FBXL17: variants seen among roughly 807,000 people sequenced by gnomAD.
FBXL17 encodes F-box/LRR-repeat protein 17.
In FBXL17, 22 loss-of-function variants were observed where a neutral mutation model predicts 66.2. That is an observed-to-expected ratio of 0.33 (90% CI 0.24 to 0.47). The LOEUF is 0.47. Ranked by LOEUF, FBXL17 falls within the 20% of genes least tolerant of loss-of-function variation. The probability of loss-of-function intolerance (pLI) is 1.00; values close to 1 mark genes in which losing one functional copy is unlikely to be tolerated. For missense variants in FBXL17, 878 were observed against 948.2 expected, an observed-to-expected ratio of 0.93 and a Z score of 0.97; for synonymous variants, 474 against 400.5, an observed-to-expected ratio of 1.18 and a Z score of -2.19.
chr5:107,961,001 C>T (rs1457006839), intron 7 of FBXL17, among the ~76,000 whole-genome samples: 1 of 151,886 alleles, frequency 6.6e-6, no homozygotes, highest in Non-Finnish European at 1.5e-5. Context: ...AGGATGGGTG[C>T]CAGAGAAGTT....
At chr5:108,259,749 A>C (rs1241182477) in intron 4 of FBXL17, among the ~76,000 whole-genome samples, 1 of 152,220 alleles carries the variant, frequency 6.6e-6, no homozygotes, top group African/African-American at 2.4e-5. Flanking sequence ...TCACATAAGG[A>C]TAGAGAGGGT....
At chr5:107,865,342 A>G (rs1748241672) in intron 8 of FBXL17, among the ~76,000 whole-genome samples, 1 of 152,244 alleles carries the variant, frequency 6.6e-6, no homozygotes, top group South Asian at 2.1e-4. Flanking sequence ...ACATGAAGAT[A>G]TGGATTTATG....
Position 108,041,912 on chromosome 5 carries a change from G to GT in FBXL17, c.1746-20912dup, listed in dbSNP as rs1187634391. Among the ~76,000 whole-genome samples the GT allele has an allele frequency of 2.6e-5, 4 of 151,946 alleles. No individual in the cohort carries two copies. The East Asian group carries it at 5.8e-4, about 22-fold the overall frequency. Reference sequence around the variant, plus strand: ...CATCTATCCATTCTATAATTCAGGGGTTTTTCTGAGATGGAGTTTCGCTCG... The same window carrying GT: ...CATCTATCCATTCTATAATTCAGGGGTTTTTTCTGAGATGGAGTTTCGCTCG... On this transcript the variant is annotated intron_variant, in intron 6 of 8. Coordinates refer to ENST00000542267, the MANE Select transcript of FBXL17 (RefSeq NM_001163315.3).
chr5:108,334,813 G>A (rs933536720), intron 4 of FBXL17, among the ~76,000 whole-genome samples: 1 of 152,180 alleles, frequency 6.6e-6, no homozygotes, highest in East Asian at 1.9e-4. Context: ...AACCCATGGT[G>A]TGAGATTAGT....
At chr5:108,181,846 G>A (rs1002941152) in intron 6 of FBXL17, among the ~76,000 whole-genome samples, 3 of 151,960 alleles carry the variant, frequency 2.0e-5, no homozygotes, top group Admixed American at 6.6e-5. Flanking sequence ...GCTATGACGC[G>A]GAAAATTGAC....
intron 7 of FBXL17, among the ~76,000 whole-genome samples, chr5:107,935,198 T>C (rs1212017456): frequency 6.6e-6 from 1 of 152,138 alleles, no homozygotes; most frequent in Non-Finnish European, 1.5e-5. Context: ...TATGTGTGAA[T>C]AGCAGCCTTC....
chr5:107,932,032 C>G (rs905806648), intron 7 of FBXL17, among the ~76,000 whole-genome samples: 4 of 152,094 alleles, frequency 2.6e-5, no homozygotes, highest in African/African-American at 9.7e-5. Context: ...GAGTGGGGCT[C>G]ATGAATCTGC....
At chr5:108,005,220 G>C (rs1753880071) in intron 7 of FBXL17, among the ~76,000 whole-genome samples, 1 of 151,782 alleles carries the variant, frequency 6.6e-6, no homozygotes, top group Admixed American at 6.6e-5. Context: ...AAATAAAATA[G>C]GAATCTAATG....
intron 7 of FBXL17, among the ~76,000 whole-genome samples, chr5:107,990,275 C>A (rs550463726): frequency 6.6e-6 from 1 of 152,246 alleles, no homozygotes; most frequent in African/African-American, 2.4e-5. Context: ...TTTATTTCAA[C>A]AGGGTTACTA....
intron 7 of FBXL17, among the ~76,000 whole-genome samples, chr5:107,886,090 T>C (rs1187247677): frequency 1.3e-5 from 2 of 152,264 alleles, no homozygotes; most frequent in Non-Finnish European, 1.5e-5. Flanking sequence ...TTTGGAAACA[T>C]GATGTTGACT....
chr5:108,336,821 T>C (rs1413502155), intron 4 of FBXL17, among the ~76,000 whole-genome samples: 3 of 152,166 alleles, frequency 2.0e-5, no homozygotes, highest in Admixed American at 2.0e-4. Flanking sequence ...AAAGTATATT[T>C]CACCAATTCA....
chr5:107,914,653 C>A (rs568865083), intron 7 of FBXL17, among the ~76,000 whole-genome samples: 2 of 152,146 alleles, frequency 1.3e-5, no homozygotes, highest in South Asian at 2.1e-4. Flanking sequence ...CAAGTGACCC[C>A]GGGACTTTTG....
chr5:108,063,459 A>G (rs572881061), intron 6 of FBXL17, among the ~76,000 whole-genome samples: 1 of 152,212 alleles, frequency 6.6e-6, no homozygotes. Flanking sequence ...ACCTAACCTT[A>G]GCGTGGCTTT....
Position 107,860,801 on chromosome 5 carries a change from A to C in FBXL17, c.*919T>G, listed in dbSNP as rs1235450878. 2 of 152,486 alleles carry C rather than the reference A, an allele frequency of 1.3e-5. No individual in the cohort carries two copies. Among genetic ancestry groups the C allele is most frequent in the Non-Finnish European group, 2.9e-5 (2 of 68,040 alleles). The allele number at this position is 152,486 out of a possible 1,614,324, so 9.4% of individuals were successfully genotyped here. A position where few individuals can be genotyped will look rare whatever the true frequency, so the allele number is the denominator to read the frequency against. ...TCGTATCTCAGAAATAGACTTTAAT[A>C]ATTACCAAAATTAAGAAAATAATGA... On this transcript the variant is annotated 3_prime_UTR_variant, in exon 9 of 9. Transcript: ENST00000542267.
chr5:108,147,418 C>A (rs1751602903), intron 6 of FBXL17, among the ~76,000 whole-genome samples: 1 of 152,106 alleles, frequency 6.6e-6, no homozygotes, highest in Admixed American at 6.6e-5. Context: ...CACGGTGGCT[C>A]ATGCCTGTAG....
chr5:108,084,046 G>T (rs1245915459), intron 6 of FBXL17, among the ~76,000 whole-genome samples: 2 of 152,308 alleles, frequency 1.3e-5, no homozygotes, highest in South Asian at 2.1e-4. Context: ...ACTTAGCAAA[G>T]AATTTATCTT....
intron 6 of FBXL17, among the ~76,000 whole-genome samples, chr5:108,174,751 A>G (rs1752731404): frequency 1.3e-5 from 1 of 79,724 alleles, no homozygotes; most frequent in Admixed American, 1.2e-4. Flanking sequence ...AAAGAAGCAA[A>G]AAAAAAAAAA....
At chr5:108,187,159 T>G (rs1259687137) in intron 5 of FBXL17, among the ~76,000 whole-genome samples, 1 of 152,200 alleles carries the variant, frequency 6.6e-6, no homozygotes, top group African/African-American at 2.4e-5. Flanking sequence ...TTAAGTTTCT[T>G]GTCTTCCGCT....
rs1748108149 is a variant in FBXL17 at position 107,861,106 on chromosome 5, C to T, written c.*614G>A. On this transcript the variant is annotated 3_prime_UTR_variant, in exon 9 of 9. Coordinates refer to ENST00000542267, the MANE Select transcript of FBXL17 (RefSeq NM_001163315.3). ...AAAAGGCTTTATTCTTTCTAGTCCC[C>T]AAGTCACCCACCAGATAGCAAGTTG... The T allele has an allele frequency of 6.6e-6, 1 of 152,210 alleles. No individual in the cohort carries two copies. The highest frequency in any genetic ancestry group is 2.4e-5 in the African/African-American group (1 of 41,446). 9.4% of individuals were successfully genotyped at this position (152,210 alleles called of 1,614,324 possible).
Sources: gnomAD v4.1 joint callset for allele counts (sites outside exome capture counted in the v4.1 genomes callset) on GRCh38, gnomAD v4.1.1 for gene constraint, MANE v1.5 for transcripts, NCBI Gene and HGNC (gene_info 2026-07-23, HGNC 2026-07-21) for gene names.